Variants in STX18 observed in about 807,000 individuals in gnomAD.
The protein encoded by STX18 is syntaxin 18.
Under a neutral mutation model 50.1 loss-of-function variants are expected in STX18, and 40 were observed. That is an observed-to-expected ratio of 0.80 (90% CI 0.62 to 1.04). STX18 has a LOEUF of 1.04. Among genes scored for constraint, STX18 ranks in the 50% least tolerant of loss-of-function variants. STX18 has a pLI of 0.00. For synonymous variants in STX18, 158 were observed against 151.8 expected (o/e 1.04, Z -0.30); for missense variants, 410 against 415.8 (o/e 0.99, Z 0.12).
intron 2 of STX18, among the ~76,000 whole-genome samples, chr4:4,460,256 A>C (rs188973582): frequency 9.8e-5 from 15 of 152,326 alleles, no homozygotes; most frequent in African/African-American, 3.4e-4. Context: ...TAGCATTTTT[A>C]ATAGGCTGAT....
rs572742097 is a variant in STX18 at position 4,521,302 on chromosome 4, T to C, written c.168+20495A>G. On this transcript the variant is annotated intron_variant, in intron 1 of 10. Transcript: ENST00000306200. The stretch of plus-strand genomic sequence containing the variant: ...CAGACGTATTATGAAGCCTTTACAA[T>C]TGACCACACAAACACAATACCACAA... Among the ~76,000 whole-genome samples the C allele has an allele frequency of 6.6e-5, 10 of 152,324 alleles. No homozygotes were observed. In the South Asian group the frequency reaches 2.1e-3, roughly 32 times the overall value.
intron 7 of STX18, among the ~76,000 whole-genome samples, chr4:4,433,022 A>G (rs914452775): frequency 2.0e-5 from 3 of 152,156 alleles, no homozygotes; most frequent in Admixed American, 6.5e-5. Context: ...GTGCAGCAAC[A>G]CTTGCCTAGA....
At chr4:4,435,134 T>C (rs896162568) in intron 6 of STX18, among the ~76,000 whole-genome samples, 2 of 152,222 alleles carry the variant, frequency 1.3e-5, no homozygotes, top group Non-Finnish European at 2.9e-5. Context: ...CAGCAATGGC[T>C]GCAAACTAAA....
intron 7 of STX18, among the ~76,000 whole-genome samples, chr4:4,427,743 C>T (rs1214494170): frequency 3.3e-5 from 5 of 152,204 alleles, no homozygotes; most frequent in Non-Finnish European, 7.3e-5. Context: ...CACTTAGGTG[C>T]GGCACCTCCT....
intron 1 of STX18, among the ~76,000 whole-genome samples, chr4:4,501,727 C>G (rs1051594829): frequency 6.6e-6 from 1 of 152,152 alleles, no homozygotes; most frequent in African/African-American, 2.4e-5. Context: ...AGATCATGAA[C>G]AATAACTCGG....
In STX18 at chr4:4,447,592, C is replaced by CAAAAAAAAA. The variant is rs34300930; in HGVS notation, c.498-9092_498-9084dup. On this transcript the variant is annotated intron_variant, in intron 5 of 10. Coordinates refer to ENST00000306200, the MANE Select transcript of STX18 (RefSeq NM_016930.4). ...GGCGACAGAGCGAGACTCCGTCTCACAAAAAAAAAAAAAAAAAAAAAAAAA... is the reference window on the plus strand; with the variant it reads ...GGCGACAGAGCGAGACTCCGTCTCACAAAAAAAAAAAAAAAAAAAAAAAAAAAAAAAAAA... 8.7e-4 allele frequency among the ~76,000 whole-genome samples: 40 copies of CAAAAAAAAA among 45,906 alleles called. 2 individuals are homozygous for CAAAAAAAAA. Among genetic ancestry groups the CAAAAAAAAA allele is most frequent in the East Asian group, 1.2e-3 (1 of 854 alleles). The allele number at this position is 45,906 out of a possible 152,430, so 30.1% of individuals were successfully genotyped here.
chr4:4,438,025 C>T (rs899160528), intron 6 of STX18, among the ~76,000 whole-genome samples: 4 of 152,222 alleles, frequency 2.6e-5, no homozygotes, highest in Admixed American at 1.3e-4. Flanking sequence ...ACACTCTACC[C>T]GGATGCAGGC....
At chr4:4,494,487 A>T (rs1729079589) in intron 1 of STX18, among the ~76,000 whole-genome samples, 1 of 152,210 alleles carries the variant, frequency 6.6e-6, no homozygotes. Context: ...ACTACATTAC[A>T]GAGCATATTC....
intron 1 of STX18, among the ~76,000 whole-genome samples, chr4:4,487,197 C>T (rs1008377174): frequency 6.6e-6 from 1 of 152,094 alleles, no homozygotes; most frequent in Non-Finnish European, 1.5e-5. Context: ...AACTTTCTAG[C>T]TCAGCACCCG....
chr4:4,498,027 G>A (rs1055753687), intron 1 of STX18, among the ~76,000 whole-genome samples: 29 of 152,260 alleles, frequency 1.9e-4, no homozygotes, highest in Admixed American at 1.2e-3. Context: ...GTAAGTGGGC[G>A]ATGTTGTGTT....
At chr4:4,438,608 T>A in intron 5 of STX18, 99 bp from the exon 6 acceptor site, 1 of 956,174 alleles carries the variant, frequency 1.0e-6, no homozygotes, top group Non-Finnish European at 1.6e-6. Context: ...TTTTGCTCTG[T>A]GTCCCTGTAC....
chr4:4,441,585 C>T (rs752615627), intron 5 of STX18, among the ~76,000 whole-genome samples: 16 of 152,048 alleles, frequency 1.1e-4, no homozygotes, highest in East Asian at 3.9e-4. Context: ...AAAGCCCATA[C>T]GTAAAAAACC....
rs560324323 is a variant in STX18, at chr4:4,504,425, G to C, written c.169-32719C>G. On this transcript the variant is annotated intron_variant, in intron 1 of 10. Transcript: ENST00000306200. ...TTAACTGAATATCTGTTTTGTGCCAGACTTTATTAGGCACTCAGGATACAG... is the reference window on the plus strand; with the variant it reads ...TTAACTGAATATCTGTTTTGTGCCACACTTTATTAGGCACTCAGGATACAG... 1.6e-4 allele frequency among the ~76,000 whole-genome samples: 24 copies of C among 152,212 alleles called. No individual in the cohort carries two copies. In the South Asian group the frequency reaches 4.8e-3, roughly 30 times the overall value.
intron 5 of STX18, among the ~76,000 whole-genome samples, chr4:4,450,552 C>T (rs548842413): frequency 3.3e-5 from 5 of 152,330 alleles, no homozygotes; most frequent in Admixed American, 3.3e-4. Context: ...AATCCACCCA[C>T]CTTGGCCTCC....
chr4:4,542,037 C>A lies in STX18; in HGVS notation c.-73G>T, dbSNP rs573229188. 30 of 1,460,832 alleles carry A rather than the reference C, an allele frequency of 2.1e-5. No individual in the cohort carries two copies. Among genetic ancestry groups the A allele is most frequent in the Middle Eastern group, 2.5e-4 (1 of 3,964 alleles). The allele number at this position is 1,460,832 out of a possible 1,614,324, so 90.5% of individuals were successfully genotyped here. A position where few individuals can be genotyped will look rare whatever the true frequency, so the allele number is the denominator to read the frequency against. On this transcript the variant is annotated 5_prime_UTR_variant, in exon 1 of 11. Transcript: ENST00000306200. ...CCGGCGACCGCGGCGCGAACCCGGC[C>A]GCTGAAGGACTGGTCCTGCCCCACA...
chr4:4,476,963 G>A (rs961976769), intron 1 of STX18, among the ~76,000 whole-genome samples: 1 of 152,172 alleles, frequency 6.6e-6, no homozygotes, highest in Non-Finnish European at 1.5e-5. Flanking sequence ...ACTTTGGGAG[G>A]CTGAGGCGGG....
intron 1 of STX18, among the ~76,000 whole-genome samples, chr4:4,541,279 G>T (rs763219462): frequency 3.9e-5 from 6 of 152,192 alleles, no homozygotes; most frequent in Non-Finnish European, 8.8e-5. Context: ...GTTTGCGAAA[G>T]ATTACCCTAA....
intron 2 of STX18, among the ~76,000 whole-genome samples, chr4:4,460,524 G>C (rs114912353): frequency 6.6e-6 from 1 of 152,068 alleles, no homozygotes; most frequent in Admixed American, 6.5e-5. Context: ...AGATGAGCAC[G>C]AAGTCCTTCT....
intron 1 of STX18, among the ~76,000 whole-genome samples, chr4:4,532,623 T>C (rs757033212): frequency 6.6e-6 from 1 of 152,196 alleles, no homozygotes; most frequent in Admixed American, 6.5e-5. Context: ...AAGGTCCTTA[T>C]GGATTATCTA....
Sources: gnomAD v4.1 joint callset for allele counts (sites outside exome capture counted in the v4.1 genomes callset) on GRCh38, gnomAD v4.1.1 for gene constraint, MANE v1.5 for transcripts, NCBI Gene and HGNC (gene_info 2026-07-23, HGNC 2026-07-21) for gene names.